IPO7: variants seen among roughly 807,000 people sequenced by gnomAD.
The protein encoded by IPO7 is importin-7.
IPO7 carries 13 observed loss-of-function variants against 136.4 expected under a neutral mutation model. The observed-to-expected ratio is 0.10, with a 90% confidence interval of 0.06 to 0.15. The LOEUF (loss-of-function observed/expected upper bound fraction) is 0.15, where lower values mean the gene tolerates loss of function less well. IPO7 is among the 10% of genes least tolerant of loss of function. IPO7 has a pLI of 1.00. For synonymous variants in IPO7, 403 were observed against 404.4 expected, an observed-to-expected ratio of 1.00 and a Z score of 0.04; for missense variants, 857 against 1,240.6, an observed-to-expected ratio of 0.69 and a Z score of 4.65.
At chr11:9,408,244 GTTGT>G (rs1319144048) in intron 2 of IPO7, among the ~76,000 whole-genome samples, 16 of 152,096 alleles carry the variant, frequency 1.1e-4, no homozygotes, top group Non-Finnish European at 1.6e-4. Flanking sequence ...TTTCTCTGGG[GTTGT>G]TTATTTGCAG....
rs545419086 is a variant in IPO7, at chr11:9,444,695, C to T, written c.3020-402C>T. Among the ~76,000 whole-genome samples, 123 of 152,038 alleles carry T rather than the reference C, an allele frequency of 8.1e-4. No homozygotes were observed. The Middle Eastern group carries it at 0.01, about 13-fold the overall frequency. On this transcript the variant is annotated intron_variant, in intron 24 of 24. Transcript: ENST00000379719. ...CTAAAAATACAAAAAATTACCCGGG[C>T]GTGGTGGCACGCACTTGTAGTCCCA...
At chr11:9,401,068 C>T (rs1021152486) in intron 1 of IPO7, among the ~76,000 whole-genome samples, 1 of 151,892 alleles carries the variant, frequency 6.6e-6, no homozygotes, top group African/African-American at 2.4e-5. Flanking sequence ...GTAATCCCAG[C>T]TACTCTGGAG....
At position 9,445,297 on chromosome 11, in the gene IPO7, C is replaced by A; in HGVS notation, c.*103C>A. 4.6e-6 allele frequency: 2 copies of A among 439,016 alleles called. No homozygotes were observed. The highest frequency in any genetic ancestry group is 2.4e-5 in the South Asian group (1 of 42,500). 27.2% of individuals were successfully genotyped at this position (439,016 alleles called of 1,614,324 possible). ...ATGTTATCTATTCTAAACTAATAAT[C>A]AATAGATGGACAAAAGAAACAACAA... On this transcript the variant is annotated 3_prime_UTR_variant, in exon 25 of 25. Transcript: ENST00000379719.
At chr11:9,413,340 T>C (rs1373169522) in intron 4 of IPO7, among the ~76,000 whole-genome samples, 1 of 152,172 alleles carries the variant, frequency 6.6e-6, no homozygotes, top group African/African-American at 2.4e-5. Flanking sequence ...TTTATGATGC[T>C]TTTAGAAATA....
At chr11:9,440,794 A>C in intron 23 of IPO7, 133 bp downstream of exon 23, 1 of 641,170 alleles carries the variant, frequency 1.6e-6, no homozygotes, top group South Asian at 1.9e-5. Flanking sequence ...AGTAACCAAA[A>C]TTATTTCTAA....
At position 9,440,526 on chromosome 11, in the gene IPO7, G is replaced by C. The variant is rs375320684; in HGVS notation, c.2767G>C (p.Ala923Pro). ...ATATTTGGAGATTCTGGCTAAGCAG[G>C]CTGGTGAAGATGGAGATGATGAAGA... ...QEYLEILAKQ[A>P]GEDGDDEDWE... is the part of the protein sequence containing the mutation. Residue 923 changes from alanine (A) to proline (P), a missense_variant, in exon 23 of 25, where the codon GCT (alanine) becomes CCT (proline). Physicochemically the swap from Ala to Pro is conservative, Grantham distance 27. This residue lies in a region of IPO7 where 119 missense variants were observed against 155.5 expected (regional missense o/e 0.77). Transcript: ENST00000379719. 3 of 1,613,956 alleles carry C rather than the reference G, an allele frequency of 1.9e-6. No individual in the cohort carries two copies. Among genetic ancestry groups the C allele is most frequent in the East Asian group, 2.2e-5 (1 of 44,874 alleles).
At chr11:9,408,934 G>T (rs925739405) in intron 3 of IPO7, among the ~76,000 whole-genome samples, 1 of 151,580 alleles carries the variant, frequency 6.6e-6, no homozygotes, top group African/African-American at 2.4e-5. Flanking sequence ...GGATGGTCTC[G>T]ATTTCCTGAC....
At chr11:9,408,704 G>GTTTTTTTTTTTTTTTT (rs377057603) in intron 3 of IPO7, 65 bp downstream of exon 3, 17 of 173,320 alleles carry the variant, frequency 9.8e-5, no homozygotes, top group South Asian at 1.4e-4. Flanking sequence ...TTGTTTTTTG[G>GTTTTTTTTTTTTTTTT]TTTTTTTTTT....
intron 18 of IPO7, 111 bp downstream of exon 18, chr11:9,433,957 CTTG>C: frequency 9.0e-7 from 1 of 1,115,440 alleles, no homozygotes. Context: ...GAATTTTGCT[CTTG>C]TTGCCCAGGC....
intron 1 of IPO7, among the ~76,000 whole-genome samples, chr11:9,399,506 A>C (rs1854763711): frequency 6.6e-6 from 1 of 152,172 alleles, no homozygotes; most frequent in Non-Finnish European, 1.5e-5. Flanking sequence ...AGGACTTGAT[A>C]TATTAAATTG....
At chr11:9,405,714 T>A (rs1854872558) in intron 2 of IPO7, among the ~76,000 whole-genome samples, 1 of 152,276 alleles carries the variant, frequency 6.6e-6, no homozygotes, top group African/African-American at 2.4e-5. Flanking sequence ...TGAGCCACCA[T>A]GCCTGGCCAT....
Position 9,429,663 on chromosome 11 carries a change from T to G in IPO7, c.1592-11T>G. The G allele has an allele frequency of 6.3e-7, 1 of 1,595,866 alleles. No homozygotes were observed. Among genetic ancestry groups the G allele is most frequent in the Non-Finnish European group, 8.5e-7 (1 of 1,175,438 alleles). On this transcript the variant is annotated splice_polypyrimidine_tract_variant and intron_variant, in intron 14 of 24. Coordinates refer to ENST00000379719, the MANE Select transcript of IPO7 (RefSeq NM_006391.3). ...GGGTTTTACGCAAGTTTTTTACTCTTTCTCTTACAGCTAAAGAATATATCA... is the reference window on the plus strand; with the variant it reads ...GGGTTTTACGCAAGTTTTTTACTCTGTCTCTTACAGCTAAAGAATATATCA...
chr11:9,408,737 G>A lies in IPO7; in HGVS notation c.320+98G>A, dbSNP rs546081345. 5.6e-4 allele frequency: 394 copies of A among 697,876 alleles called. 1 individual carries two copies. Among genetic ancestry groups the A allele is most frequent in the Non-Finnish European group, 4.1e-4 (199 of 490,838 alleles). 43.2% of individuals were successfully genotyped at this position (697,876 alleles called of 1,614,324 possible). A position where few individuals can be genotyped will look rare whatever the true frequency, so the allele number is the denominator to read the frequency against. On this transcript the variant is annotated intron_variant, in intron 3 of 24. Coordinates refer to ENST00000379719, the MANE Select transcript of IPO7 (RefSeq NM_006391.3). ...TTTTTTTTTTTTTTTTTTTGAGATGGACTTTCCCTCTGTGGCCAGGCTGGA... is the reference window on the plus strand; with the variant it reads ...TTTTTTTTTTTTTTTTTTTGAGATGAACTTTCCCTCTGTGGCCAGGCTGGA...
rs1855511346 is a variant in IPO7, at chr11:9,445,180, C to T, written c.3103C>T (p.Pro1035Ser). The stretch of plus-strand genomic sequence containing the variant: ...TTCTTTCAATTTTGGAGGCCCAGCA[C>T]CAGGGATGAATTGAGTTATCTCTTT... Reference protein sequence around the residue: ...PSSFNFGGPAPGMN With the variant: ...PSSFNFGGPASGMN Residue 1035 changes from proline to serine, a missense_variant, in exon 25 of 25, where the codon CCA becomes TCA. Pro to Ser is a moderately conservative substitution (Grantham distance 74). Around this residue, in one of 11 missense-constraint regions of IPO7, gnomAD observed 13 missense variants for 19.6 expected, o/e 0.66. Transcript: ENST00000379719. 3.1e-6 allele frequency: 5 copies of T among 1,587,338 alleles called. No homozygotes were observed. The highest frequency in any genetic ancestry group is 4.3e-6 in the Non-Finnish European group (5 of 1,155,554).
At chr11:9,406,031 G>A (rs1854877964) in intron 2 of IPO7, among the ~76,000 whole-genome samples, 1 of 151,006 alleles carries the variant, frequency 6.6e-6, no homozygotes, top group Non-Finnish European at 1.5e-5. Context: ...TGGGGCTGCA[G>A]GCATGTGTCA....
rs1211685720 is a variant in IPO7, at chr11:9,447,361, C to T, written c.*2167C>T. 1 of 152,150 alleles carries T rather than the reference C, an allele frequency of 6.6e-6. No homozygotes were observed. The highest frequency in any genetic ancestry group is 1.5e-5 in the Non-Finnish European group (1 of 68,006). 9.4% of individuals were successfully genotyped at this position (152,150 alleles called of 1,614,324 possible). A position where few individuals can be genotyped will look rare whatever the true frequency, so the allele number is the denominator to read the frequency against. On this transcript the variant is annotated 3_prime_UTR_variant, in exon 25 of 25. Coordinates refer to ENST00000379719, the MANE Select transcript of IPO7 (RefSeq NM_006391.3). ...TATAATCCAAACTAATCTCCGTTTA[C>T]AGACTTTAACTTGAAATTAGACCTT...
chr11:9,408,718 T>G (rs1022977532), intron 3 of IPO7, 79 bp downstream of exon 3: 29 of 1,033,196 alleles, frequency 2.8e-5, no homozygotes, highest in African/African-American at 1.6e-4. Context: ...TTTTTTTTTT[T>G]TTTTTTTTTT....
chr11:9,444,621 G>A (rs1855503141), intron 24 of IPO7, among the ~76,000 whole-genome samples: 1 of 151,802 alleles, frequency 6.6e-6, no homozygotes, highest in Non-Finnish European at 1.5e-5. Flanking sequence ...ATCACTTGAG[G>A]TCGGGAGTTC....
chr11:9,437,286 C>T (rs1358806375), intron 20 of IPO7, among the ~76,000 whole-genome samples: 1 of 151,864 alleles, frequency 6.6e-6, no homozygotes, highest in East Asian at 1.9e-4. Context: ...GAGACAGAGT[C>T]TCGCTCTGTC....
Sources: allele counts gnomAD v4.1 joint callset (sites outside exome capture counted in the v4.1 genomes callset), GRCh38; gene constraint gnomAD v4.1.1; regional missense constraint gnomAD v4.1.1; transcripts MANE v1.5; gene names NCBI Gene and HGNC (gene_info 2026-07-23, HGNC 2026-07-21).